The following CCAR1 variants were observed in gnomAD, a reference collection of about 807,000 sequenced individuals.
CCAR1 encodes the protein cell division cycle and apoptosis regulator 1.
CCAR1 carries 78 observed loss-of-function variants against 163.8 expected under a neutral mutation model. That is an observed-to-expected ratio of 0.48 (90% CI 0.40 to 0.57). The LOEUF is 0.57. Among genes scored for constraint, CCAR1 ranks in the 20% least tolerant of loss-of-function variants. The probability of loss-of-function intolerance (pLI) is 0.00; values close to 1 mark genes in which losing one functional copy is unlikely to be tolerated. For synonymous variants in CCAR1, 443 were observed against 460.7 expected (o/e 0.96, Z 0.49); for missense variants, 1,019 against 1,365.2 (o/e 0.75, Z 4.00).
intron 19 of CCAR1, among the ~76,000 whole-genome samples, chr10:68,783,972 A>G (rs1482260483): frequency 1.3e-5 from 2 of 151,526 alleles, no homozygotes; most frequent in Non-Finnish European, 2.9e-5. Flanking sequence ...GTTAGCGAGG[A>G]TGGTCTCGAT....
At chr10:68,768,602 C>G (rs945533868) in intron 17 of CCAR1, among the ~76,000 whole-genome samples, 1 of 152,128 alleles carries the variant, frequency 6.6e-6, no homozygotes, top group African/African-American at 2.4e-5. Context: ...CAGAGCGAGA[C>G]TTTGTCTCAA....
intron 19 of CCAR1, 45 bp downstream of exon 19, chr10:68,773,144 T>G: frequency 9.6e-7 from 1 of 1,038,164 alleles, no homozygotes; most frequent in Non-Finnish European, 1.4e-6. Flanking sequence ...TAAGAATACA[T>G]TTTTTGTTTG....
In CCAR1 at chr10:68,750,220, T is replaced by G. The variant is rs559771104; in HGVS notation, c.1118+535T>G. 3.6e-3 allele frequency among the ~76,000 whole-genome samples: 537 copies of G among 149,038 alleles called. 3 individuals are homozygous for G. The highest frequency in any genetic ancestry group is 0.013 in the African/African-American group (516 of 40,732). On this transcript the variant is annotated intron_variant, in intron 10 of 24. Coordinates refer to ENST00000265872, the MANE Select transcript of CCAR1 (RefSeq NM_018237.4). Reference sequence around the variant, plus strand: ...AATTTCTTTTTTCTTTTTTCTTTTTTTTTTTTTTTTTTTGAGATAGGGTCT... The same window carrying G: ...AATTTCTTTTTTCTTTTTTCTTTTTGTTTTTTTTTTTTTGAGATAGGGTCT...
intron 2 of CCAR1, 125 bp downstream of exon 2, chr10:68,722,702 T>G: frequency 1.5e-6 from 1 of 682,638 alleles, no homozygotes; most frequent in East Asian, 2.6e-5. Context: ...AGGAGGTGGA[T>G]CACGAGGTCA....
At chr10:68,761,253 G>A (rs928103252) in intron 16 of CCAR1, 61 bp downstream of exon 16, 2 of 848,764 alleles carry the variant, frequency 2.4e-6, no homozygotes, top group Non-Finnish European at 3.3e-6. Context: ...GGGTGTTCTT[G>A]GAATACGTGA....
chr10:68,762,344 CAAAA>C (rs772177191), intron 16 of CCAR1, among the ~76,000 whole-genome samples: 1 of 65,604 alleles, frequency 1.5e-5, no homozygotes, highest in East Asian at 3.5e-4. Flanking sequence ...AAAAACAAAA[CAAAA>C]AACAAACAAA....
In CCAR1 at chr10:68,791,806, C is replaced by T. The variant is rs561333468; in HGVS notation, c.*540C>T. ...TCAGTTCAGGCCGGGCACGGTGGCTCACACCTGTAATCCCAACACTTTGGG... is the reference window on the plus strand; with the variant it reads ...TCAGTTCAGGCCGGGCACGGTGGCTTACACCTGTAATCCCAACACTTTGGG... On this transcript the variant is annotated 3_prime_UTR_variant, in exon 25 of 25. Coordinates refer to ENST00000265872, the MANE Select transcript of CCAR1 (RefSeq NM_018237.4). 1.3e-5 allele frequency: 2 copies of T among 152,638 alleles called. No individual in the cohort carries two copies. Among genetic ancestry groups the T allele is most frequent in the African/African-American group, 4.8e-5 (2 of 41,432 alleles). The allele number at this position is 152,638 out of a possible 1,614,324, so 9.5% of individuals were successfully genotyped here.
chr10:68,752,042 G>C (rs192576311), intron 10 of CCAR1, among the ~76,000 whole-genome samples: 2,109 of 148,164 alleles, frequency 0.014, 56 homozygotes, highest in African/African-American at 0.049. Flanking sequence ...TCAGCCTCCC[G>C]AGTAGCTGGG....
At chr10:68,763,717 G>T (rs1380724903) in intron 16 of CCAR1, among the ~76,000 whole-genome samples, 2 of 152,130 alleles carry the variant, frequency 1.3e-5, no homozygotes, top group African/African-American at 2.4e-5. Context: ...CAAAGTGCTG[G>T]GATTACAGGT....
chr10:68,749,663 T>G lies in CCAR1; in HGVS notation c.1096T>G (p.Phe366Val). The G allele has an allele frequency of 6.2e-7, 1 of 1,608,446 alleles. No individual in the cohort carries two copies. The highest frequency in any genetic ancestry group is 8.5e-7 in the Non-Finnish European group (1 of 1,175,860). ...RRVVPRYTVQFSKFSLDCPSC... is the reference protein window; with the variant it reads ...RRVVPRYTVQVSKFSLDCPSC... ...TGTTGTTCCACGTTACACAGTTCAG[T>G]TTTCAAAGTTTTCTTTAGATTGGTA... Residue 366 changes from phenylalanine (F) to valine (V), a missense_variant, in exon 10 of 25, where the codon TTT becomes GTT. Coordinates refer to ENST00000265872, the MANE Select transcript of CCAR1 (RefSeq NM_018237.4).
rs747867551 is a variant in CCAR1, at chr10:68,783,911, C to T, written c.2651-2225C>T. Among the ~76,000 whole-genome samples the T allele has an allele frequency of 2.4e-4, 36 of 151,942 alleles. 1 individual carries two copies. The highest frequency in any genetic ancestry group is 4.4e-4 in the Non-Finnish European group (30 of 68,014). ...TTGGGACTACAGGCGGCCGCCACCA[C>T]GCCTGGCAAATTTTTTTTATGTATT... On this transcript the variant is annotated intron_variant, in intron 19 of 24. Coordinates refer to ENST00000265872, the MANE Select transcript of CCAR1 (RefSeq NM_018237.4).
intron 2 of CCAR1, among the ~76,000 whole-genome samples, chr10:68,729,712 A>G (rs2056006972): frequency 6.6e-6 from 1 of 151,982 alleles, no homozygotes; most frequent in Non-Finnish European, 1.5e-5. Flanking sequence ...TAAAAAAAAA[A>G]AAAAAATACA....
chr10:68,780,962 T>C (rs1255749873), intron 19 of CCAR1, among the ~76,000 whole-genome samples: 1 of 152,186 alleles, frequency 6.6e-6, no homozygotes, highest in Non-Finnish European at 1.5e-5. Context: ...CCAGGCACGG[T>C]GGCTCACGCT....
In CCAR1 at chr10:68,756,068, T is replaced by TG. The variant is rs1191037128; in HGVS notation, c.1626-200dup. On this transcript the variant is annotated intron_variant, in intron 13 of 24. Transcript: ENST00000265872. This position sits in a 1 kb window ranked among gnomAD's most constrained non-coding sequence, Gnocchi z 5.1. ...TCTGTAATCAAACTTGAAAATGCCTTGGGGGAACATATTCTTCCTTTAACT... is the reference window on the plus strand; with the variant it reads ...TCTGTAATCAAACTTGAAAATGCCTTGGGGGGAACATATTCTTCCTTTAACT... Among the ~76,000 whole-genome samples the TG allele has an allele frequency of 6.6e-6, 1 of 152,122 alleles. No homozygotes were observed. The highest frequency in any genetic ancestry group is 6.6e-5 in the Admixed American group (1 of 15,248).
Position 68,755,533 on chromosome 10 carries a change from A to G in CCAR1, c.1622A>G (p.Gln541Arg). Residue 541 changes from glutamine (Q) to arginine (R), a missense_variant, in exon 13 of 25, where the codon CAA becomes CGA. By Grantham distance (43) the Gln-to-Arg change is conservative (BLOSUM62 1). Around this residue, in one of 4 missense-constraint regions of CCAR1, gnomAD observed 644 missense variants for 904.4 expected, o/e 0.71. Transcript: ENST00000265872. The stretch of plus-strand genomic sequence containing the variant: ...GGCATTGATCTAAGTGTGTGCACAC[A>G]ATGGTAAGTACTAATTCATTTCTTG... ...LTGIDLSVCT[Q>R]WYRFAEIRYH... The G allele has an allele frequency of 6.2e-7, 1 of 1,611,732 alleles. No individual in the cohort carries two copies. The highest frequency in any genetic ancestry group is 8.5e-7 in the Non-Finnish European group (1 of 1,178,382).
chr10:68,728,161 G>T (rs980234204), intron 2 of CCAR1, among the ~76,000 whole-genome samples: 1 of 151,974 alleles, frequency 6.6e-6, no homozygotes, highest in African/African-American at 2.4e-5. Flanking sequence ...GATTATAGAG[G>T]TACCTTCAGT....
At position 68,749,463 on chromosome 10, in the gene CCAR1, C is replaced by T. The variant is rs375449720; in HGVS notation, c.957-61C>T. The T allele has an allele frequency of 2.5e-5, 36 of 1,433,128 alleles. No homozygotes were observed. The East Asian group carries it at 4.2e-4, about 17-fold the overall frequency. The allele number at this position is 1,433,128 out of a possible 1,614,324, so 88.8% of individuals were successfully genotyped here. A position where few individuals can be genotyped will look rare whatever the true frequency, so the allele number is the denominator to read the frequency against. On this transcript the variant is annotated intron_variant, in intron 9 of 24. Coordinates refer to ENST00000265872, the MANE Select transcript of CCAR1 (RefSeq NM_018237.4). Reference sequence around the variant, plus strand: ...CTTATATTACCTACTCTATTTACTTCATTGAAGAGCTTTTCCATAATATTA... The same window carrying T: ...CTTATATTACCTACTCTATTTACTTTATTGAAGAGCTTTTCCATAATATTA...
At chr10:68,759,891 G>A (rs894111652) in intron 15 of CCAR1, among the ~76,000 whole-genome samples, 4 of 152,170 alleles carry the variant, frequency 2.6e-5, no homozygotes, top group African/African-American at 9.7e-5. Flanking sequence ...ACAGAGTGCA[G>A]TGGTGTGATG....
At position 68,749,626 on chromosome 10, in the gene CCAR1, G is replaced by A. The variant is rs1412170602; in HGVS notation, c.1059G>A (p.Arg353=). The A allele has an allele frequency of 1.9e-6, 3 of 1,614,074 alleles. No individual in the cohort carries two copies. In the South Asian group the frequency reaches 3.3e-5, roughly 18 times the overall value. Residue 353 remains arginine (R), a synonymous_variant, in exon 10 of 25, where the codon CGG becomes CGA. Coordinates refer to ENST00000265872, the MANE Select transcript of CCAR1 (RefSeq NM_018237.4). ...SPRRERERSP[R]RVRRVVPRYT... ...GAAGAGAGCGAGAGCGATCACCTCG[G>A]AGAGTTCGACGTGTTGTTCCACGTT...
Sources: allele counts gnomAD v4.1 joint callset (sites outside exome capture counted in the v4.1 genomes callset), GRCh38; gene constraint gnomAD v4.1.1; regional missense constraint gnomAD v4.1.1; non-coding constraint Gnocchi (gnomAD v3.1); transcripts MANE v1.5; gene names NCBI Gene and HGNC (gene_info 2026-07-23, HGNC 2026-07-21).